ATP8A2: variants seen among roughly 807,000 people sequenced by gnomAD.
ATP8A2 encodes the protein phospholipid-transporting ATPase IB.
A neutral mutation model predicts 165.6 loss-of-function variants in ATP8A2; 100 were observed. That is an observed-to-expected ratio of 0.60 (90% CI 0.51 to 0.71). ATP8A2 has a LOEUF of 0.71. Among genes scored for constraint, ATP8A2 ranks in the 30% least tolerant of loss-of-function variants. The pLI, the probability that ATP8A2 is intolerant of heterozygous loss-of-function variation, is 0.00. For synonymous variants in ATP8A2, 543 were observed against 548.8 expected (o/e 0.99, Z 0.15); for missense variants, 1,227 against 1,479.5 (o/e 0.83, Z 2.80).
At chr13:25,532,776 C>T (rs2038156101) in intron 5 of ATP8A2, among the ~76,000 whole-genome samples, 1 of 152,132 alleles carries the variant, frequency 6.6e-6, no homozygotes, top group Admixed American at 6.6e-5. Context: ...AGGTGATCCT[C>T]CCACCTCAGC....
chr13:25,765,670 CT>C (rs1454911927), intron 25 of ATP8A2, among the ~76,000 whole-genome samples: 5 of 152,128 alleles, frequency 3.3e-5, no homozygotes, highest in African/African-American at 1.2e-4. Flanking sequence ...CTTATTTTTG[CT>C]TTTTGGGAAA....
At chr13:25,470,617 C>A (rs974656650) in intron 2 of ATP8A2, among the ~76,000 whole-genome samples, 1 of 152,056 alleles carries the variant, frequency 6.6e-6, no homozygotes. Context: ...GTAATCTGCC[C>A]GAGAGAAATG....
In ATP8A2 at chr13:26,023,725, G is replaced by A. The variant is rs1277999005; in HGVS notation, c.*3740G>A. 1 of 152,166 alleles carries A rather than the reference G, an allele frequency of 6.6e-6. No individual in the cohort carries two copies. Among genetic ancestry groups the A allele is most frequent in the Non-Finnish European group, 1.5e-5 (1 of 68,042 alleles). The allele number at this position is 152,166 out of a possible 1,614,324, so 9.4% of individuals were successfully genotyped here. The stretch of plus-strand genomic sequence containing the variant: ...GAATGTTTGCAAAACACTGCTATAG[G>A]ATAAGGTGGTCTTTAGTTTTGAACG... On this transcript the variant is annotated 3_prime_UTR_variant, in exon 37 of 37. Coordinates refer to ENST00000381655, the MANE Select transcript of ATP8A2 (RefSeq NM_016529.6).
intron 2 of ATP8A2, among the ~76,000 whole-genome samples, chr13:25,477,167 A>T (rs2036018297): frequency 6.6e-6 from 1 of 152,184 alleles, no homozygotes; most frequent in Non-Finnish European, 1.5e-5. Context: ...GTGGGTGGAT[A>T]ATGGAGCCCA....
intron 25 of ATP8A2, among the ~76,000 whole-genome samples, chr13:25,713,540 G>A (rs1420375481): frequency 6.6e-6 from 1 of 152,106 alleles, no homozygotes; most frequent in Non-Finnish European, 1.5e-5. Flanking sequence ...TTCTCAGTCA[G>A]GAGTCTAGAA....
chr13:25,642,408 A>G (rs1593120708), intron 24 of ATP8A2, among the ~76,000 whole-genome samples: 2 of 151,934 alleles, frequency 1.3e-5, no homozygotes. Context: ...TTACAAGAAA[A>G]AAACAACCCC....
At chr13:25,534,299 AG>A in intron 6 of ATP8A2, 1 of 488,590 alleles carries the variant, frequency 2.0e-6, no homozygotes, top group Non-Finnish European at 4.2e-6. Context: ...ACGTTTGGAA[AG>A]GTCATGGTTC....
intron 1 of ATP8A2, among the ~76,000 whole-genome samples, chr13:25,458,750 G>A (rs1323579282): frequency 6.6e-6 from 1 of 152,226 alleles, no homozygotes; most frequent in African/African-American, 2.4e-5. Flanking sequence ...TGTGGGATAA[G>A]TGAGGATAAT....
intron 33 of ATP8A2, among the ~76,000 whole-genome samples, chr13:25,941,531 C>T (rs944635610): frequency 6.6e-6 from 1 of 152,322 alleles, no homozygotes; most frequent in East Asian, 1.9e-4. Flanking sequence ...ATGAACCCCA[C>T]ACAGGCGTCT....
chr13:25,579,669 G>A, intron 21 of ATP8A2, 139 bp from the exon 22 acceptor site: 1 of 837,732 alleles, frequency 1.2e-6, no homozygotes, highest in Non-Finnish European at 1.9e-6. Context: ...TGGTAGATGT[G>A]GGAGTGTTGA....
At chr13:25,768,551 C>A (rs2044545706) in intron 25 of ATP8A2, among the ~76,000 whole-genome samples, 1 of 152,094 alleles carries the variant, frequency 6.6e-6, no homozygotes, top group Non-Finnish European at 1.5e-5. Flanking sequence ...CTTACCCCAG[C>A]CTTCTTTCTG....
chr13:25,487,976 C>T (rs555529179), intron 2 of ATP8A2, among the ~76,000 whole-genome samples: 98 of 152,172 alleles, frequency 6.4e-4, no homozygotes, highest in Non-Finnish European at 1.1e-3. Context: ...TCCATGATTT[C>T]GCTGAGTCTG....
intron 1 of ATP8A2, among the ~76,000 whole-genome samples, chr13:25,442,865 G>C (rs2034969624): frequency 6.6e-6 from 1 of 152,134 alleles, no homozygotes; most frequent in Non-Finnish European, 1.5e-5. Context: ...GACCATTCAA[G>C]TACTGTGACA....
chr13:25,712,027 G>GA (rs978961066), intron 25 of ATP8A2, among the ~76,000 whole-genome samples: 17 of 151,648 alleles, frequency 1.1e-4, no homozygotes, highest in African/African-American at 2.4e-4. Flanking sequence ...TCTGAAGCTA[G>GA]AAAAAAAATG....
chr13:25,420,469 C>A (rs1424626353), intron 1 of ATP8A2, among the ~76,000 whole-genome samples: 1 of 152,216 alleles, frequency 6.6e-6, no homozygotes, highest in East Asian at 1.9e-4. Context: ...CATCCTTGAG[C>A]TTATTACATT....
At chr13:25,989,331 C>T (rs958503945) in intron 35 of ATP8A2, among the ~76,000 whole-genome samples, 6 of 152,168 alleles carry the variant, frequency 3.9e-5, no homozygotes, top group African/African-American at 1.4e-4. Context: ...AGAAAGTTTG[C>T]AGTTTTAAAA....
At chr13:25,869,526 T>A (rs1952618382) in intron 33 of ATP8A2, among the ~76,000 whole-genome samples, 1 of 152,228 alleles carries the variant, frequency 6.6e-6, no homozygotes, top group African/African-American at 2.4e-5. Flanking sequence ...TGAAGCTAAT[T>A]CTATTGTCTG....
At chr13:25,529,880 T>A (rs1422354011) in intron 2 of ATP8A2, 119 bp from the exon 3 acceptor site, 5 of 584,120 alleles carry the variant, frequency 8.6e-6, no homozygotes, top group African/African-American at 7.6e-5. Context: ...TTCCTTGTCT[T>A]GAGTTTTGAA....
At chr13:25,731,884 G>C (rs1375137303) in intron 25 of ATP8A2, among the ~76,000 whole-genome samples, 2 of 152,200 alleles carry the variant, frequency 1.3e-5, no homozygotes, top group Non-Finnish European at 2.9e-5. Context: ...CATATTGAAG[G>C]TCTTCGAAAG....
Sources: allele counts gnomAD v4.1 joint callset (sites outside exome capture counted in the v4.1 genomes callset), GRCh38; gene constraint gnomAD v4.1.1; transcripts MANE v1.5; gene names NCBI Gene and HGNC (gene_info 2026-07-23, HGNC 2026-07-21).